The following FHOD3 variants were observed in gnomAD, a reference collection of about 807,000 sequenced individuals.
FHOD3 encodes formin homology 2 domain containing 3.
In FHOD3, 90 loss-of-function variants were observed where a neutral mutation model predicts 173.0. That is an observed-to-expected ratio of 0.52 (90% CI 0.44 to 0.62). The LOEUF is 0.62. FHOD3 is among the 20% of genes least tolerant of loss of function. The pLI, the probability that FHOD3 is intolerant of heterozygous loss-of-function variation, is 0.00. For missense variants in FHOD3, 1,945 were observed against 2,034.7 expected (o/e 0.96, Z 0.85); for synonymous variants, 828 against 823.0 (o/e 1.01, Z -0.10).
intron 10 of FHOD3, 137 bp downstream of exon 10, chr18:36,625,886 T>A: frequency 1.4e-6 from 1 of 694,900 alleles, no homozygotes; most frequent in South Asian, 4.5e-5. Flanking sequence ...TCTTGACCAT[T>A]AAACCACCAG....
chr18:36,693,486 A>C (rs2039084433), intron 17 of FHOD3, 63 bp downstream of exon 17: 1 of 1,418,280 alleles, frequency 7.1e-7, no homozygotes, highest in Non-Finnish European at 9.8e-7. Context: ...TCCTCAGGGC[A>C]GTAGTGATGA....
chr18:36,372,766 G>T (rs771703209), intron 3 of FHOD3, 22 bp downstream of exon 3: 1 of 1,607,510 alleles, frequency 6.2e-7, no homozygotes, highest in African/African-American at 1.3e-5. Context: ...CTGCCCTCAG[G>T]AACTAAACAT....
intron 1 of FHOD3, among the ~76,000 whole-genome samples, chr18:36,329,116 G>T (rs28573890): frequency 0.015 from 2,275 of 152,162 alleles, 68 homozygotes; most frequent in African/African-American, 0.052. Flanking sequence ...ATGCCCCAAG[G>T]GTCTTACCTA....
At chr18:36,721,641 T>C (rs1459854780) in intron 19 of FHOD3, among the ~76,000 whole-genome samples, 1 of 152,132 alleles carries the variant, frequency 6.6e-6, no homozygotes, top group Non-Finnish European at 1.5e-5. Flanking sequence ...AGCAAGACTC[T>C]GTCTCAAAAA....
At chr18:36,507,423 A>C (rs2055363431) in intron 4 of FHOD3, among the ~76,000 whole-genome samples, 1 of 152,224 alleles carries the variant, frequency 6.6e-6, no homozygotes, top group South Asian at 2.1e-4. Flanking sequence ...AAATGTTCCA[A>C]AATATAAAAA....
chr18:36,485,692 A>T (rs1231638450), intron 3 of FHOD3, among the ~76,000 whole-genome samples: 2 of 152,202 alleles, frequency 1.3e-5, no homozygotes, highest in Non-Finnish European at 2.9e-5. Context: ...ACAGAGCATG[A>T]TACATAATGG....
chr18:36,423,513 C>T (rs569716077), intron 3 of FHOD3, among the ~76,000 whole-genome samples: 8 of 152,104 alleles, frequency 5.3e-5, no homozygotes, highest in African/African-American at 1.2e-4. Flanking sequence ...GTGGATGCTG[C>T]GGAGGGGGTC....
At chr18:36,370,106 A>G (rs538119591) in intron 2 of FHOD3, among the ~76,000 whole-genome samples, 1 of 152,090 alleles carries the variant, frequency 6.6e-6, no homozygotes, top group Admixed American at 6.5e-5. Context: ...ATCTGGCCAC[A>G]CTCTTCACCC....
chr18:36,763,601 T>C (rs1028122170), intron 27 of FHOD3, among the ~76,000 whole-genome samples: 11 of 148,264 alleles, frequency 7.4e-5, no homozygotes, highest in African/African-American at 2.7e-4. Flanking sequence ...TTATACACGT[T>C]ATATATAATA....
At chr18:36,615,434 A>G in intron 9 of FHOD3, among the ~76,000 whole-genome samples, 1 of 152,188 alleles carries the variant, frequency 6.6e-6, no homozygotes, top group Non-Finnish European at 1.5e-5. Flanking sequence ...TGATTTTATT[A>G]CTAACCATTT....
chr18:36,459,076 T>C (rs1255041438), intron 3 of FHOD3, among the ~76,000 whole-genome samples: 5 of 152,222 alleles, frequency 3.3e-5, no homozygotes, highest in African/African-American at 4.8e-5. Flanking sequence ...AAGGCTGTTC[T>C]TTAGTTCTTG....
At chr18:36,583,767 A>G (rs950968455) in intron 6 of FHOD3, among the ~76,000 whole-genome samples, 1 of 152,078 alleles carries the variant, frequency 6.6e-6, no homozygotes, top group Admixed American at 6.5e-5. Flanking sequence ...TTGACATTTG[A>G]CAATTTGCTA....
chr18:36,468,478 A>G (rs2053081624), intron 3 of FHOD3, among the ~76,000 whole-genome samples: 1 of 152,162 alleles, frequency 6.6e-6, no homozygotes, highest in Non-Finnish European at 1.5e-5. Context: ...GAGACAGGCC[A>G]CAGGAGTCTG....
intron 7 of FHOD3, among the ~76,000 whole-genome samples, chr18:36,601,981 C>T (rs748423215): frequency 6.6e-6 from 1 of 152,188 alleles, no homozygotes; most frequent in Non-Finnish European, 1.5e-5. Context: ...GCCAAGTCCC[C>T]TGCAGTCATC....
intron 17 of FHOD3, among the ~76,000 whole-genome samples, chr18:36,695,006 T>C (rs1429192425): frequency 6.6e-6 from 1 of 151,912 alleles, no homozygotes; most frequent in Non-Finnish European, 1.5e-5. Context: ...TGCGTGTGTG[T>C]GTGTAGTATG....
intron 3 of FHOD3, among the ~76,000 whole-genome samples, chr18:36,445,088 G>A (rs1480579545): frequency 6.6e-6 from 1 of 152,212 alleles, no homozygotes; most frequent in African/African-American, 2.4e-5. Context: ...CAGGTAGAGG[G>A]CATGACAACA....
At chr18:36,312,428 A>G (rs2092281076) in intron 1 of FHOD3, among the ~76,000 whole-genome samples, 1 of 151,984 alleles carries the variant, frequency 6.6e-6, no homozygotes, top group African/African-American at 2.4e-5. Context: ...GAGGCCAAAT[A>G]CCCAGCTGCC....
At chr18:36,566,093 T>G (rs1036881921) in intron 5 of FHOD3, among the ~76,000 whole-genome samples, 2 of 152,310 alleles carry the variant, frequency 1.3e-5, no homozygotes, top group Non-Finnish European at 2.9e-5. Flanking sequence ...GGATGAGGAA[T>G]TGATTAAAAG....
At chr18:36,747,421 A>AC (rs2042201870) in intron 24 of FHOD3, among the ~76,000 whole-genome samples, 1 of 152,220 alleles carries the variant, frequency 6.6e-6, no homozygotes, top group South Asian at 2.1e-4. Context: ...AACAAATTGA[A>AC]CCCTGCATCT....
Sources: gnomAD v4.1 joint callset for allele counts (sites outside exome capture counted in the v4.1 genomes callset) on GRCh38, gnomAD v4.1.1 for gene constraint, MANE v1.5 for transcripts, NCBI Gene and HGNC (gene_info 2026-07-23, HGNC 2026-07-21) for gene names.